The following KIF26B variants were observed in gnomAD, a reference collection of about 807,000 sequenced individuals.
KIF26B encodes the protein kinesin-like protein KIF26B.
KIF26B carries 63 observed loss-of-function variants against 151.2 expected under a neutral mutation model. The observed-to-expected ratio is 0.42, with a 90% CI of 0.34 to 0.51. The LOEUF (loss-of-function observed/expected upper bound fraction) is 0.51, where lower values mean the gene tolerates loss of function less well. Among genes scored for constraint, KIF26B ranks in the 20% least tolerant of loss-of-function variants. The pLI, the probability that KIF26B is intolerant of heterozygous loss-of-function variation, is 0.07. For missense variants in KIF26B, 2,813 were observed against 2,913.6 expected, an observed-to-expected ratio of 0.97 and a Z score of 0.79; for synonymous variants, 1,357 against 1,262.1, an observed-to-expected ratio of 1.08 and a Z score of -1.59.
chr1:245,701,756 A>G (rs565729701), intron 14 of KIF26B, among the ~76,000 whole-genome samples: 1 of 152,208 alleles, frequency 6.6e-6, no homozygotes, highest in South Asian at 2.1e-4. Context: ...GTCTCTTCAG[A>G]GCTTGTCTCG....
chr1:245,682,818 G>C (rs2044456576), intron 10 of KIF26B, among the ~76,000 whole-genome samples: 1 of 152,250 alleles, frequency 6.6e-6, no homozygotes, highest in African/African-American at 2.4e-5. Context: ...ATGTGTGCCA[G>C]GAATGGGGCC....
chr1:245,462,792 T>C (rs1310999406), intron 4 of KIF26B, among the ~76,000 whole-genome samples: 1 of 152,164 alleles, frequency 6.6e-6, no homozygotes, highest in African/African-American at 2.4e-5. Context: ...GGACTGACTT[T>C]AGAGGCTGTG....
chr1:245,381,725 C>T (rs1673414064), intron 3 of KIF26B, among the ~76,000 whole-genome samples: 1 of 152,208 alleles, frequency 6.6e-6, no homozygotes, highest in South Asian at 2.1e-4. Context: ...TCAACACTCA[C>T]TGCCCATTCT....
intron 10 of KIF26B, among the ~76,000 whole-genome samples, chr1:245,661,909 T>TACAC (rs61090060): frequency 0.49 from 18,420 of 37,354 alleles, 7,553 homozygotes; most frequent in East Asian, 0.86. Flanking sequence ...ATGATATACA[T>TACAC]ACACACACTC....
At chr1:245,436,061 G>A (rs1018590248) in intron 4 of KIF26B, among the ~76,000 whole-genome samples, 1 of 151,748 alleles carries the variant, frequency 6.6e-6, no homozygotes, top group Non-Finnish European at 1.5e-5. Flanking sequence ...CCTGGAATCC[G>A]AGCGACTTGG....
In KIF26B at chr1:245,572,488, C is replaced by A. The variant is rs553657383; in HGVS notation, c.1351-30089C>A. 2.0e-5 allele frequency among the ~76,000 whole-genome samples: 3 copies of A among 152,114 alleles called. No homozygotes were observed. Among genetic ancestry groups the A allele is most frequent in the Non-Finnish European group, 4.4e-5 (3 of 68,028 alleles). On this transcript the variant is annotated intron_variant, in intron 5 of 14. Transcript: ENST00000407071. This position sits in a 1 kb window ranked among gnomAD's most constrained non-coding sequence, Gnocchi z 4.2. The stretch of plus-strand genomic sequence containing the variant: ...GCCCATTTTCAGGCACGGTATCCTG[C>A]GCTGCTAGCACCGTAGCCATCACTG...
At chr1:245,422,567 A>G (rs560880280) in intron 4 of KIF26B, among the ~76,000 whole-genome samples, 6 of 152,306 alleles carry the variant, frequency 3.9e-5, no homozygotes, top group African/African-American at 1.4e-4. Context: ...ACTGAGTTCA[A>G]AGAGCCTTTT....
intron 2 of KIF26B, among the ~76,000 whole-genome samples, chr1:245,363,662 C>G (rs1672873372): frequency 6.6e-6 from 1 of 152,176 alleles, no homozygotes; most frequent in Non-Finnish European, 1.5e-5. Context: ...TTTACTGAGG[C>G]CTTTTGATGA....
intron 10 of KIF26B, among the ~76,000 whole-genome samples, chr1:245,663,084 C>G (rs1385154260): frequency 2.0e-5 from 3 of 151,752 alleles, no homozygotes; most frequent in African/African-American, 7.3e-5. Flanking sequence ...CTGCCCTGAT[C>G]TCCCCAAAGT....
At chr1:245,541,990 C>T (rs1164621723) in intron 5 of KIF26B, among the ~76,000 whole-genome samples, 1 of 152,168 alleles carries the variant, frequency 6.6e-6, no homozygotes, top group Non-Finnish European at 1.5e-5. Flanking sequence ...CACCCTCAAT[C>T]TCACCACCTC....
chr1:245,200,866 G>C (rs182682065), intron 2 of KIF26B, among the ~76,000 whole-genome samples: 71 of 152,302 alleles, frequency 4.7e-4, no homozygotes, highest in Non-Finnish European at 6.8e-4. Context: ...GCATAATACT[G>C]ATGGGACCAC....
At chr1:245,464,578 T>C (rs1167908264) in intron 4 of KIF26B, among the ~76,000 whole-genome samples, 4 of 138,766 alleles carry the variant, frequency 2.9e-5, no homozygotes, top group South Asian at 4.8e-4. Flanking sequence ...TGTGGGTGTG[T>C]GTGCACGTGT....
Position 245,685,787 on chromosome 1 carries a change from G to A in KIF26B, c.2804G>A (p.Cys935Tyr). 1.2e-6 allele frequency: 2 copies of A among 1,610,096 alleles called. No individual in the cohort carries two copies. The highest frequency in any genetic ancestry group is 1.7e-6 in the Non-Finnish European group (2 of 1,177,722). Residue 935 changes from cysteine (C) to tyrosine (Y), a missense_variant, in exon 12 of 15, where the codon TGC becomes TAC. By Grantham distance (194) the Cys-to-Tyr change is radical. Coordinates refer to ENST00000407071, the MANE Select transcript of KIF26B (RefSeq NM_018012.4). ...TFAELQERLDCIDGSEEPSSF... is the reference protein window; with the variant it reads ...TFAELQERLDYIDGSEEPSSF... ...GCCGAGCTGCAGGAGAGGCTGGACT[G>A]CATCGACGGCAGCGAGGAGCCCAGC... is the stretch of plus-strand genomic sequence containing the variant.
chr1:245,614,277 C>G (rs1023931109), intron 9 of KIF26B, among the ~76,000 whole-genome samples: 2 of 152,082 alleles, frequency 1.3e-5, no homozygotes, highest in Non-Finnish European at 2.9e-5. Context: ...CGAGTTCAAG[C>G]GATTCTCCTG....
chr1:245,309,960 C>A (rs1671635306), intron 2 of KIF26B, among the ~76,000 whole-genome samples: 2 of 145,532 alleles, frequency 1.4e-5, no homozygotes, highest in African/African-American at 5.0e-5. Flanking sequence ...GTATATATAT[C>A]CTATTAGTCC....
At chr1:245,518,152 G>C (rs1052537985) in intron 4 of KIF26B, among the ~76,000 whole-genome samples, 1 of 152,120 alleles carries the variant, frequency 6.6e-6, no homozygotes, top group African/African-American at 2.4e-5. Context: ...TTACAGGCGT[G>C]AGCCACCGCA....
intron 4 of KIF26B, among the ~76,000 whole-genome samples, chr1:245,448,440 C>A (rs1382972437): frequency 6.6e-6 from 1 of 152,178 alleles, no homozygotes; most frequent in Admixed American, 6.5e-5. Flanking sequence ...AAACTCCTGA[C>A]CTCAGGTGAT....
chr1:245,532,248 C>CTTTTCTTTTT (rs374051918), intron 4 of KIF26B, among the ~76,000 whole-genome samples: 31 of 121,460 alleles, frequency 2.6e-4, no homozygotes, highest in African/African-American at 1.0e-3. Context: ...CTTTTCTTTT[C>CTTTTCTTTTT]TTTTTTTTTT....
In KIF26B at chr1:245,686,482, G is replaced by A; in HGVS notation, c.3499G>A (p.Glu1167Lys). 6.2e-7 allele frequency: 1 copy of A among 1,613,160 alleles called. No individual in the cohort carries two copies. Among genetic ancestry groups the A allele is most frequent in the Non-Finnish European group, 8.5e-7 (1 of 1,179,874 alleles). The change falls in exon 12 of 15, where the codon GAG becomes AAG. Residue 1167 changes from glutamate to lysine, a missense_variant. By Grantham distance (56) the Glu-to-Lys change is moderately conservative. Coordinates refer to ENST00000407071, the MANE Select transcript of KIF26B (RefSeq NM_018012.4). This position sits in a 1 kb window ranked among gnomAD's most constrained non-coding sequence, Gnocchi z 5.6. The part of the protein sequence containing the change: ...QAATPSESKK[E>K]ILSTTMVTVQ... The stretch of plus-strand genomic sequence containing the variant: ...AGCTACTCCTTCAGAGTCCAAGAAG[G>A]AGATCCTGAGCACCACGATGGTGAC...
Sources: gnomAD v4.1 joint callset for allele counts (sites outside exome capture counted in the v4.1 genomes callset) on GRCh38, gnomAD v4.1.1 for gene constraint, Gnocchi (gnomAD v3.1) non-coding constraint, MANE v1.5 for transcripts, NCBI Gene and HGNC (gene_info 2026-07-23, HGNC 2026-07-21) for gene names.